PRIM2: variants seen among roughly 807,000 people sequenced by gnomAD.
PRIM2 encodes the protein DNA primase large subunit.
PRIM2 carries 39 observed loss-of-function variants against 67.3 expected under a neutral mutation model. That is an observed-to-expected ratio of 0.58 (90% CI 0.45 to 0.76). PRIM2 has a LOEUF of 0.76. Ranked by LOEUF, PRIM2 falls within the 30% of genes least tolerant of loss-of-function variation. PRIM2 has a pLI of 0.00. For synonymous variants in PRIM2, 143 were observed against 198.7 expected (o/e 0.72, Z 2.36); for missense variants, 398 against 598.7 (o/e 0.66, Z 3.50).
At chr6:57,431,661 T>C (rs1370874750) in intron 7 of PRIM2, among the ~76,000 whole-genome samples, 2 of 151,722 alleles carry the variant, frequency 1.3e-5, no homozygotes, top group East Asian at 3.9e-4. Flanking sequence ...AAAAAAAATG[T>C]GATTTGTTTT....
At chr6:57,531,827 T>C (rs1774897756) in intron 8 of PRIM2, among the ~76,000 whole-genome samples, 1 of 152,192 alleles carries the variant, frequency 6.6e-6, no homozygotes, top group Non-Finnish European at 1.5e-5. Context: ...AAGGATCTAA[T>C]TAGAGGCTAT....
intron 10 of PRIM2, among the ~76,000 whole-genome samples, chr6:57,574,094 C>T (rs1400327116): frequency 6.6e-6 from 1 of 151,968 alleles, no homozygotes. Context: ...ACACCAGCCT[C>T]CGATTGGCCA....
chr6:57,252,572 T>G, the PRIM2 span, among the ~76,000 whole-genome samples: 1 of 152,096 alleles, frequency 6.6e-6, no homozygotes, highest in Non-Finnish European at 1.5e-5. Context: ...TCCAAAGTAG[T>G]TGGGATTACA....
chr6:57,382,049 C>T lies in PRIM2; in HGVS notation c.574C>T (p.Leu192=), dbSNP rs2230042. ...AATTCAGATCCCTTTTGCTGATGCT[C>T]TGGATTTGTTTCGAGGAAGGAAAGT... The part of the protein sequence containing the change: ...SIYKIPFADA[L]DLFRGRKVYL... The change falls in exon 7 of 14, where the codon CTG becomes TTG. Residue 192 remains leucine, a synonymous_variant. Transcript: ENST00000615550. 0.078 allele frequency: 125,210 copies of T among 1,610,516 alleles called. 5,473 individuals are homozygous for T. Among genetic ancestry groups the T allele is most frequent in the Admixed American group, 0.12 (7,040 of 59,488 alleles).
At chr6:57,270,195 G>A in the PRIM2 span, among the ~76,000 whole-genome samples, 5 of 151,860 alleles carry the variant, frequency 3.3e-5, no homozygotes, top group Admixed American at 1.3e-4. Flanking sequence ...GATGGGGATG[G>A]CATTGAATCT....
intron 7 of PRIM2, among the ~76,000 whole-genome samples, chr6:57,399,923 A>C (rs1365584513): frequency 6.6e-6 from 1 of 151,956 alleles, no homozygotes; most frequent in African/African-American, 2.4e-5. Flanking sequence ...GTTTGAGTTC[A>C]TTGTAGATTC....
At chr6:57,225,206 T>C in the PRIM2 span, among the ~76,000 whole-genome samples, 1 of 152,234 alleles carries the variant, frequency 6.6e-6, no homozygotes, top group Non-Finnish European at 1.5e-5. Context: ...AGGCCCCCCA[T>C]GTGCATATGA....
chr6:57,233,376 A>G, the PRIM2 span, among the ~76,000 whole-genome samples: 78 of 152,326 alleles, frequency 5.1e-4, no homozygotes, highest in Admixed American at 4.2e-3. Context: ...GTTCCTGAAT[A>G]TATTTAATCT....
chr6:57,297,329 C>G, the PRIM2 span, among the ~76,000 whole-genome samples: 1 of 152,028 alleles, frequency 6.6e-6, no homozygotes, highest in Non-Finnish European at 1.5e-5. Context: ...GTAATCCCAG[C>G]TACTCGGGAG....
intron 5 of PRIM2, among the ~76,000 whole-genome samples, chr6:57,372,998 C>T (rs1166333667): frequency 3.3e-5 from 5 of 152,190 alleles, no homozygotes; most frequent in African/African-American, 1.2e-4. Flanking sequence ...TTGCTGGCTT[C>T]AATGATATTT....
intron 7 of PRIM2, among the ~76,000 whole-genome samples, chr6:57,486,112 CAGTGGAGG>C (rs1773747841): frequency 1.3e-5 from 2 of 152,054 alleles, no homozygotes; most frequent in Non-Finnish European, 2.9e-5. Flanking sequence ...AGTGCTGGAC[CAGTGGAGG>C]AGATGTCATT....
chr6:57,277,574 G>A, the PRIM2 span, among the ~76,000 whole-genome samples: 3 of 151,664 alleles, frequency 2.0e-5, no homozygotes, highest in Non-Finnish European at 4.4e-5. Flanking sequence ...TGGGAACACA[G>A]CAGAAGCCGG....
intron 7 of PRIM2, among the ~76,000 whole-genome samples, chr6:57,445,915 T>A (rs890110524): frequency 4.6e-5 from 7 of 152,160 alleles, no homozygotes; most frequent in Non-Finnish European, 1.0e-4. Context: ...AGGAAGAACA[T>A]TGTTCTCCCA....
chr6:57,628,023 G>A (rs1214496365), intron 12 of PRIM2, among the ~76,000 whole-genome samples: 3 of 152,204 alleles, frequency 2.0e-5, no homozygotes, highest in African/African-American at 7.2e-5. Context: ...TATGCAAGAG[G>A]ACCTCATAAG....
At chr6:57,238,327 A>C in the PRIM2 span, among the ~76,000 whole-genome samples, 1 of 152,198 alleles carries the variant, frequency 6.6e-6, no homozygotes, top group Non-Finnish European at 1.5e-5. Context: ...AGCACTCCTC[A>C]GCAAATGTAA....
the PRIM2 span, among the ~76,000 whole-genome samples, chr6:57,265,191 G>T: frequency 6.6e-6 from 1 of 152,154 alleles, no homozygotes; most frequent in East Asian, 1.9e-4. Context: ...TTAATCTCTG[G>T]TGAAGACATG....
chr6:57,294,726 GA>G, the PRIM2 span, among the ~76,000 whole-genome samples: 4 of 151,226 alleles, frequency 2.6e-5, no homozygotes, highest in Admixed American at 2.0e-4. Context: ...TATATTGATT[GA>G]AAAAAGTACA....
intron 10 of PRIM2, among the ~76,000 whole-genome samples, chr6:57,568,700 C>G (rs1465575759): frequency 2.0e-5 from 3 of 152,110 alleles, no homozygotes; most frequent in African/African-American, 7.2e-5. Context: ...GGTGAGCAAC[C>G]ATGTGGTTAA....
chr6:57,637,820 A>C (rs1777151038), intron 13 of PRIM2, among the ~76,000 whole-genome samples: 1 of 152,162 alleles, frequency 6.6e-6, no homozygotes, highest in Admixed American at 6.5e-5. Context: ...TAAGTTGGAA[A>C]ACACTTCAGG....
Sources: allele counts gnomAD v4.1 joint callset (sites outside exome capture counted in the v4.1 genomes callset), GRCh38; gene constraint gnomAD v4.1.1; transcripts MANE v1.5; gene names NCBI Gene and HGNC (gene_info 2026-07-23, HGNC 2026-07-21).